The following SNTB2 variants were observed in gnomAD, a reference collection of about 807,000 sequenced individuals.
SNTB2 encodes beta-2-syntrophin.
A neutral mutation model predicts 46.2 loss-of-function variants in SNTB2; 34 were observed. The observed-to-expected ratio is 0.74, with a 90% CI of 0.56 to 0.98. SNTB2 has a LOEUF of 0.98. Ranked by LOEUF, SNTB2 falls within the 50% of genes least tolerant of loss-of-function variation. The pLI is 0.00. For missense variants in SNTB2, 603 were observed against 731.4 expected (o/e 0.82, Z 2.02); for synonymous variants, 290 against 312.6 (o/e 0.93, Z 0.76).
Position 69,187,481 on chromosome 16 carries a change from T to G in SNTB2, c.315T>G (p.Gly105=), listed in dbSNP as rs1964002384. The stretch of plus-strand genomic sequence containing the variant: ...CGGCGCCGCCTCGGGGCCCCGCGGG[T>G]GAGGCGGGCGCGTCGCCGCCCGTGC... ...SPPAPPRGPA[G]EAGASPPVRR... The change falls in exon 1 of 7, where the codon GGT becomes GGG. Residue 105 remains glycine (G), a synonymous_variant. Coordinates refer to ENST00000336278, the MANE Select transcript of SNTB2 (RefSeq NM_006750.4). 2 of 1,222,738 alleles carry G rather than the reference T, an allele frequency of 1.6e-6. No homozygotes were observed. Among genetic ancestry groups the G allele is most frequent in the Non-Finnish European group, 1.0e-6 (1 of 976,612 alleles). The allele number at this position is 1,222,738 out of a possible 1,614,324, so 75.7% of individuals were successfully genotyped here.
At position 69,292,362 on chromosome 16, in the gene SNTB2, A is replaced by ATATAATATATATATATTATATATATAT. The variant is rs1965168321; in HGVS notation, c.1346-7224_1346-7223insATATATATATATTATATATATATTATA. ...ATTGTTCACCTTATTTTTTATATAT[A>ATATAATATATATATATTATATATATAT]TATATATATATATATATTATATATA... On this transcript the variant is annotated intron_variant, in intron 5 of 6. Transcript: ENST00000336278. Among the ~76,000 whole-genome samples, 2 of 45,562 alleles carry ATATAATATATATATATTATATATATAT rather than the reference A, an allele frequency of 4.4e-5. 1 individual carries two copies. Among genetic ancestry groups the ATATAATATATATATATTATATATATAT allele is most frequent in the Non-Finnish European group, 7.2e-5 (2 of 27,736 alleles). 29.9% of individuals were successfully genotyped at this position (45,562 alleles called of 152,430 possible).
rs563855586 is a variant in SNTB2 at position 69,285,414 on chromosome 16, G to A, written c.1345+1170G>A. ...CTATCACCCAGGCTGGAGTCCAGTGGCATGATCCATCATAGCTCACTGCAG... is the reference window on the plus strand; with the variant it reads ...CTATCACCCAGGCTGGAGTCCAGTGACATGATCCATCATAGCTCACTGCAG... On this transcript the variant is annotated intron_variant, in intron 5 of 6. Transcript: ENST00000336278. Among the ~76,000 whole-genome samples the A allele has an allele frequency of 3.9e-3, 567 of 146,496 alleles. 4 individuals carry two copies. The highest frequency in any genetic ancestry group is 4.5e-3 in the Non-Finnish European group (301 of 67,040).
At position 69,262,361 on chromosome 16, in the gene SNTB2, G is replaced by A. The variant is rs148628835; in HGVS notation, c.1005+2101G>A. On this transcript the variant is annotated intron_variant, in intron 3 of 6. Coordinates refer to ENST00000336278, the MANE Select transcript of SNTB2 (RefSeq NM_006750.4). ...CGCTGTGTCAGCCAGGCTGGAGTGCGGTGGCGCGATCTTGGCTCACTGCAA... is the reference window on the plus strand; with the variant it reads ...CGCTGTGTCAGCCAGGCTGGAGTGCAGTGGCGCGATCTTGGCTCACTGCAA... Among the ~76,000 whole-genome samples the A allele has an allele frequency of 1.6e-3, 237 of 151,094 alleles. 7 individuals carry two copies. In the East Asian group the frequency reaches 0.041, roughly 26 times the overall value.
At chr16:69,264,972 G>T (rs763961566) in intron 3 of SNTB2, among the ~76,000 whole-genome samples, 6 of 152,146 alleles carry the variant, frequency 3.9e-5, no homozygotes, top group African/African-American at 1.4e-4. Context: ...TCTATTGGCC[G>T]GGCACGGTGG....
At chr16:69,298,495 G>A (rs891680186) in intron 5 of SNTB2, among the ~76,000 whole-genome samples, 1 of 138,416 alleles carries the variant, frequency 7.2e-6, no homozygotes, top group African/African-American at 2.7e-5. Context: ...CTCCCTGCCT[G>A]TCCAGTTTTA....
chr16:69,248,268 G>T (rs186064569), intron 2 of SNTB2, among the ~76,000 whole-genome samples: 51 of 152,344 alleles, frequency 3.3e-4, no homozygotes, highest in African/African-American at 1.2e-3. Context: ...GGAAGGTTGT[G>T]TGTATGTTGA....
At chr16:69,262,389 T>C (rs1964842968) in intron 3 of SNTB2, among the ~76,000 whole-genome samples, 1 of 151,830 alleles carries the variant, frequency 6.6e-6, no homozygotes, top group Non-Finnish European at 1.5e-5. Flanking sequence ...CACTGCAAGC[T>C]CGGCCTCCCG....
intron 1 of SNTB2, among the ~76,000 whole-genome samples, chr16:69,213,425 C>G (rs999928323): frequency 2.6e-5 from 4 of 152,020 alleles, no homozygotes; most frequent in African/African-American, 9.7e-5. Flanking sequence ...TTCACACCCA[C>G]TTTTCTTTAT....
chr16:69,227,078 C>T (rs79290456), intron 1 of SNTB2, among the ~76,000 whole-genome samples: 7,616 of 152,212 alleles, frequency 0.05, 263 homozygotes, highest in Non-Finnish European at 0.071. Flanking sequence ...TGACCAAGGG[C>T]CTTTTATTCA....
chr16:69,241,904 G>A (rs1184145775), intron 1 of SNTB2: 1 of 142,760 alleles, frequency 7.0e-6, no homozygotes, highest in Non-Finnish European at 1.5e-5. Flanking sequence ...ACTTCAACCT[G>A]GGTGATAGAG....
At chr16:69,213,954 T>TG in intron 1 of SNTB2, among the ~76,000 whole-genome samples, 1 of 147,462 alleles carries the variant, frequency 6.8e-6, no homozygotes, top group South Asian at 2.2e-4. Flanking sequence ...TCCAAGTAGC[T>TG]GGGACTACAG....
chr16:69,299,893 A>C, intron 6 of SNTB2, 119 bp downstream of exon 6: 1 of 1,110,450 alleles, frequency 9.0e-7, no homozygotes, highest in East Asian at 2.6e-5. Flanking sequence ...ATGAAATTTT[A>C]AATTAAAAAA....
rs114476858 is a variant in SNTB2 at position 69,220,583 on chromosome 16, G to A, written c.581-25019G>A. Reference sequence around the variant, plus strand: ...TACTCTGTCACCCAAGCTGGAGTGCGGTGGCACAATCATAGGTCATTGCAG... The same window carrying A: ...TACTCTGTCACCCAAGCTGGAGTGCAGTGGCACAATCATAGGTCATTGCAG... On this transcript the variant is annotated intron_variant, in intron 1 of 6. Coordinates refer to ENST00000336278, the MANE Select transcript of SNTB2 (RefSeq NM_006750.4). 4.9e-3 allele frequency among the ~76,000 whole-genome samples: 744 copies of A among 151,306 alleles called. 3 individuals carry two copies. The highest frequency in any genetic ancestry group is 0.017 in the African/African-American group (719 of 41,238).
In SNTB2 at chr16:69,301,464, G is replaced by C. The variant is rs902449183; in HGVS notation, c.*540G>C. ...TTCCACCATAGGAAGTCCTTGAATT[G>C]TATCACCAAAGGGTTGTTCCATTTG... On this transcript the variant is annotated 3_prime_UTR_variant, in exon 7 of 7. Coordinates refer to ENST00000336278, the MANE Select transcript of SNTB2 (RefSeq NM_006750.4). 1 of 154,658 alleles carries C rather than the reference G, an allele frequency of 6.5e-6. No homozygotes were observed. The highest frequency in any genetic ancestry group is 1.4e-5 in the Non-Finnish European group (1 of 69,594). 9.6% of individuals were successfully genotyped at this position (154,658 alleles called of 1,614,324 possible).
chr16:69,217,459 C>T (rs1302557460), intron 1 of SNTB2, among the ~76,000 whole-genome samples: 1 of 152,070 alleles, frequency 6.6e-6, no homozygotes, highest in Non-Finnish European at 1.5e-5. Flanking sequence ...GATAATAGAG[C>T]AAGACCCTGT....
chr16:69,268,725 C>T (rs113911976), intron 3 of SNTB2, among the ~76,000 whole-genome samples: 7,274 of 151,824 alleles, frequency 0.048, 235 homozygotes, highest in Non-Finnish European at 0.069. Context: ...ATTAGCTGGG[C>T]GTGGCAGCAT....
At position 69,259,609 on chromosome 16, in the gene SNTB2, T is replaced by G. The variant is rs529138058; in HGVS notation, c.795-441T>G. 5.6e-4 allele frequency among the ~76,000 whole-genome samples: 83 copies of G among 149,450 alleles called. 2 individuals are homozygous for G. The South Asian group carries it at 0.017, about 31-fold the overall frequency. ...GGAATTAAGAGAAAGTATCTTTTTT[T>G]TTTTTTTTTTTTGAGACGGAATCTC... On this transcript the variant is annotated intron_variant, in intron 2 of 6. Transcript: ENST00000336278.
chr16:69,303,281 A>C lies in SNTB2; in HGVS notation c.*2357A>C, dbSNP rs1026610118. ...TCAGGTAGGCAATCTTGAACCCTCT[A>C]TGCAGTGAGAGCATTATTAATATGA... On this transcript the variant is annotated 3_prime_UTR_variant, in exon 7 of 7. Coordinates refer to ENST00000336278, the MANE Select transcript of SNTB2 (RefSeq NM_006750.4). 6.6e-6 allele frequency: 1 copy of C among 152,318 alleles called. No homozygotes were observed. The highest frequency in any genetic ancestry group is 2.4e-5 in the African/African-American group (1 of 41,570). 9.4% of individuals were successfully genotyped at this position (152,318 alleles called of 1,614,324 possible).
rs777805892 is a variant in SNTB2 at position 69,299,656 on chromosome 16, G to C, written c.1412G>C (p.Arg471Thr). 6.2e-7 allele frequency: 1 copy of C among 1,614,150 alleles called. No homozygotes were observed. Among genetic ancestry groups the C allele is most frequent in the South Asian group, 1.1e-5 (1 of 91,086 alleles). The change falls in exon 6 of 7, where the codon AGG (arginine) becomes ACG (threonine). Residue 471 changes from arginine (R) to threonine (T), a missense_variant. Arg to Thr is a moderately conservative substitution (Grantham distance 71). Coordinates refer to ENST00000336278, the MANE Select transcript of SNTB2 (RefSeq NM_006750.4). ...IHYENGFTIS[R>T]ENGGSSSILY... is the part of the protein sequence containing the mutation. ...TATGAAAATGGGTTCACCATCTCAA[G>C]GGAAAATGGAGGCTCCAGCAGCATA...
Sources: allele counts gnomAD v4.1 joint callset (sites outside exome capture counted in the v4.1 genomes callset), GRCh38; gene constraint gnomAD v4.1.1; transcripts MANE v1.5; gene names NCBI Gene and HGNC (gene_info 2026-07-23, HGNC 2026-07-21).